JAKMIP2: variants seen among roughly 807,000 people sequenced by gnomAD.
JAKMIP2 encodes the protein janus kinase and microtubule-interacting protein 2.
In JAKMIP2, 25 loss-of-function variants were observed where a neutral mutation model predicts 115.0. The observed-to-expected ratio is 0.22, with a 90% confidence interval of 0.16 to 0.30. The LOEUF is 0.30. Among genes scored for constraint, JAKMIP2 ranks in the 10% least tolerant of loss-of-function variants. The probability of loss-of-function intolerance (pLI) is 1.00; values close to 1 mark genes in which losing one functional copy is unlikely to be tolerated. For synonymous variants in JAKMIP2, 334 were observed against 343.6 expected (o/e 0.97, Z 0.31); for missense variants, 642 against 957.6 (o/e 0.67, Z 4.35).
intron 20 of JAKMIP2, among the ~76,000 whole-genome samples, chr5:147,606,493 A>G (rs1299266202): frequency 4.6e-5 from 7 of 152,114 alleles, no homozygotes; most frequent in African/African-American, 1.7e-4. Context: ...CGATGGTTGT[A>G]GATGTGTGGT....
chr5:147,750,315 G>A (rs919498776), intron 1 of JAKMIP2, among the ~76,000 whole-genome samples: 6 of 152,094 alleles, frequency 3.9e-5, no homozygotes, highest in African/African-American at 1.4e-4. Context: ...TAACCCAAGG[G>A]ACACAATCCT....
At chr5:147,593,427 A>C (rs567393459) in intron 21 of JAKMIP2, among the ~76,000 whole-genome samples, 1 of 152,220 alleles carries the variant, frequency 6.6e-6, no homozygotes, top group Non-Finnish European at 1.5e-5. Flanking sequence ...TCACTGTCAA[A>C]GGAGCTGAGA....
intron 1 of JAKMIP2, among the ~76,000 whole-genome samples, chr5:147,714,485 A>G (rs1752892978): frequency 1.3e-5 from 2 of 152,212 alleles, no homozygotes; most frequent in Admixed American, 1.3e-4. Context: ...TAGAAAACAC[A>G]GCATGGAAGT....
At position 147,779,846 on chromosome 5, in the gene JAKMIP2, A is replaced by G. The variant is rs138767578; in HGVS notation, c.-149+2610T>C. The stretch of plus-strand genomic sequence containing the variant: ...TCCTAGACAAATGCATATCTAGGTC[A>G]TACTTTTGGAGGTTTTGATGAGAGA... On this transcript the variant is annotated intron_variant, in intron 1 of 21. Coordinates refer to ENST00000616793, the MANE Select transcript of JAKMIP2 (RefSeq NM_001270941.2). Among the ~76,000 whole-genome samples the G allele has an allele frequency of 3.9e-5, 6 of 152,290 alleles. No homozygotes were observed. The East Asian group carries it at 1.2e-3, about 29-fold the overall frequency.
Position 147,671,723 on chromosome 5 carries a change from G to C in JAKMIP2, c.84C>G (p.Thr28=). 6.3e-7 allele frequency: 1 copy of C among 1,579,328 alleles called. No individual in the cohort carries two copies. Among genetic ancestry groups the C allele is most frequent in the Admixed American group, 1.8e-5 (1 of 56,150 alleles). The change falls in exon 2 of 22, where the codon ACC becomes ACG. Residue 28 remains threonine (T), a synonymous_variant. Coordinates refer to ENST00000616793, the MANE Select transcript of JAKMIP2 (RefSeq NM_001270941.2). ...GCTCTATCTGAATGTCTGTGAGCTTGGTCCTGAGGTCTTCATTGGCAGCTT... is the reference window on the plus strand; with the variant it reads ...GCTCTATCTGAATGTCTGTGAGCTTCGTCCTGAGGTCTTCATTGGCAGCTT... The part of the protein sequence containing the change: ...ALQAANEDLR[T]KLTDIQIELH...
Position 147,636,317 on chromosome 5 carries a change from T to G in JAKMIP2, c.1615-33A>C, listed in dbSNP as rs747431398. 4 of 1,581,794 alleles carry G rather than the reference T, an allele frequency of 2.5e-6. No individual in the cohort carries two copies. In the South Asian group the frequency reaches 3.3e-5, roughly 13 times the overall value. On this transcript the variant is annotated intron_variant, in intron 11 of 21. Coordinates refer to ENST00000616793, the MANE Select transcript of JAKMIP2 (RefSeq NM_001270941.2). ...ACAAAGAATATCGCGCAGTCAGCAT[T>G]TCAGAGTGGCACGAAAGAGCCTGTG...
chr5:147,775,958 G>A (rs999880723), intron 1 of JAKMIP2, among the ~76,000 whole-genome samples: 7 of 151,934 alleles, frequency 4.6e-5, no homozygotes, highest in East Asian at 1.9e-4. Flanking sequence ...CTTTTGATAC[G>A]TATTATGAAG....
chr5:147,668,615 G>A (rs955691683), intron 2 of JAKMIP2, among the ~76,000 whole-genome samples: 2 of 152,146 alleles, frequency 1.3e-5, no homozygotes, highest in African/African-American at 2.4e-5. Context: ...TGTAAAGTAG[G>A]GATGACAATG....
At chr5:147,777,002 C>T (rs1755583334) in intron 1 of JAKMIP2, among the ~76,000 whole-genome samples, 1 of 152,092 alleles carries the variant, frequency 6.6e-6, no homozygotes, top group South Asian at 2.1e-4. Flanking sequence ...CTGGGGAAAA[C>T]TAACATGAAT....
At chr5:147,748,604 A>G (rs1443408990) in intron 1 of JAKMIP2, among the ~76,000 whole-genome samples, 3 of 152,210 alleles carry the variant, frequency 2.0e-5, no homozygotes, top group Non-Finnish European at 4.4e-5. Flanking sequence ...CCCGAGGGCC[A>G]GGTATGTTCA....
At chr5:147,700,244 A>C (rs970742819) in intron 1 of JAKMIP2, among the ~76,000 whole-genome samples, 4 of 152,176 alleles carry the variant, frequency 2.6e-5, no homozygotes, top group Non-Finnish European at 5.9e-5. Context: ...AATATTAAAA[A>C]TAAAATAAGG....
rs1754878602 is a variant in JAKMIP2, at chr5:147,586,600, T to C, written c.*5107A>G. ...ATAAGCATGGGTACAAAGACCGTAA[T>C]GCAGAAAAAAACAAAAACAGGAACC... On this transcript the variant is annotated 3_prime_UTR_variant, in exon 22 of 22. Coordinates refer to ENST00000616793, the MANE Select transcript of JAKMIP2 (RefSeq NM_001270941.2). The C allele has an allele frequency of 6.6e-6, 1 of 152,064 alleles. No homozygotes were observed. Among genetic ancestry groups the C allele is most frequent in the Non-Finnish European group, 1.5e-5 (1 of 68,016 alleles). The allele number at this position is 152,064 out of a possible 1,614,324, so 9.4% of individuals were successfully genotyped here. A position where few individuals can be genotyped will look rare whatever the true frequency, so the allele number is the denominator to read the frequency against.
At position 147,630,818 on chromosome 5, in the gene JAKMIP2, G is replaced by A. The variant is rs146730169; in HGVS notation, c.1875+595C>T. On this transcript the variant is annotated intron_variant, in intron 14 of 21. Transcript: ENST00000616793. ...TCACTGAAGGACAATATATTTCCCCGGGGGAAGAGCTACCTCAATTCAACT... is the reference window on the plus strand; with the variant it reads ...TCACTGAAGGACAATATATTTCCCCAGGGGAAGAGCTACCTCAATTCAACT... Among the ~76,000 whole-genome samples the A allele has an allele frequency of 1.9e-3, 289 of 152,196 alleles. 2 individuals carry two copies. Among genetic ancestry groups the A allele is most frequent in the African/African-American group, 6.4e-3 (264 of 41,514 alleles).
At chr5:147,644,313 C>T in intron 6 of JAKMIP2, 115 bp from the exon 7 acceptor site, 1 of 950,130 alleles carries the variant, frequency 1.1e-6, no homozygotes, top group Non-Finnish European at 1.5e-6. Flanking sequence ...TGGAAATTGC[C>T]CAGCCTGAAT....
intron 7 of JAKMIP2, among the ~76,000 whole-genome samples, chr5:147,643,411 T>C (rs770629707): frequency 3.3e-5 from 5 of 152,048 alleles, no homozygotes; most frequent in Non-Finnish European, 7.4e-5. Context: ...CAACCAACGA[T>C]GTCATTCACA....
rs1007564080 is a variant in JAKMIP2, at chr5:147,588,634, A to C, written c.*3073T>G. On this transcript the variant is annotated 3_prime_UTR_variant, in exon 22 of 22. Coordinates refer to ENST00000616793, the MANE Select transcript of JAKMIP2 (RefSeq NM_001270941.2). ...GAGGCTCATGAGCAAGAGTTGGTAA[A>C]AATTACAGTTCAGTCTATAGTCTTG... is the stretch of plus-strand genomic sequence containing the variant. 6.6e-6 allele frequency: 1 copy of C among 152,138 alleles called. No individual in the cohort carries two copies. The highest frequency in any genetic ancestry group is 1.5e-5 in the Non-Finnish European group (1 of 68,022). 9.4% of individuals were successfully genotyped at this position (152,138 alleles called of 1,614,324 possible).
At chr5:147,677,098 T>G (rs1031802609) in intron 1 of JAKMIP2, among the ~76,000 whole-genome samples, 1 of 152,218 alleles carries the variant, frequency 6.6e-6, no homozygotes, top group Non-Finnish European at 1.5e-5. Flanking sequence ...TGTATGATCT[T>G]AAATCACTTA....
At chr5:147,759,166 G>A (rs1016104) in intron 1 of JAKMIP2, among the ~76,000 whole-genome samples, 48,618 of 151,500 alleles carry the variant, frequency 0.32, 7,891 homozygotes, top group Admixed American at 0.38. Flanking sequence ...GTTCTTATCA[G>A]TGTTATCTAA....
chr5:147,769,213 G>A (rs1297455802), intron 1 of JAKMIP2, among the ~76,000 whole-genome samples: 2 of 152,018 alleles, frequency 1.3e-5, no homozygotes, highest in Non-Finnish European at 2.9e-5. Context: ...CCGGAGTTGT[G>A]CCCCTCTGGA....
Sources: allele counts gnomAD v4.1 joint callset (sites outside exome capture counted in the v4.1 genomes callset), GRCh38; gene constraint gnomAD v4.1.1; transcripts MANE v1.5; gene names NCBI Gene and HGNC (gene_info 2026-07-23, HGNC 2026-07-21).